Variants in SYDE2 observed in about 807,000 individuals in gnomAD.
SYDE2 encodes the protein rho GTPase-activating protein SYDE2.
SYDE2 carries 76 observed loss-of-function variants against 91.5 expected under a neutral mutation model. That is an observed-to-expected ratio of 0.83 (90% CI 0.69 to 1.01). The LOEUF (loss-of-function observed/expected upper bound fraction) is 1.01, where lower values mean the gene tolerates loss of function less well. SYDE2 is among the 50% of genes least tolerant of loss of function. The pLI is 0.00. For missense variants in SYDE2, 1,364 were observed against 1,367.7 expected, an observed-to-expected ratio of 1.00 and a Z score of 0.04; for synonymous variants, 513 against 506.4, an observed-to-expected ratio of 1.01 and a Z score of -0.18.
In SYDE2 at chr1:85,190,432, A is replaced by C; in HGVS notation, c.1066T>G (p.Leu356Val). The change falls in exon 2 of 7, where the codon TTA (leucine) becomes GTA (valine). Residue 356 changes from leucine (L) to valine (V), a missense_variant. By Grantham distance (32) the Leu-to-Val change is conservative. Transcript: ENST00000341460. ...TNSSLSKNCA[L>V]DFNEENDADD... ...GCATCATTTTCCTCATTAAAATCTAAAGCACAGTTTTTCGATAATGAAGAG... is the reference window on the plus strand; with the variant it reads ...GCATCATTTTCCTCATTAAAATCTACAGCACAGTTTTTCGATAATGAAGAG... The C allele has an allele frequency of 6.2e-7, 1 of 1,613,888 alleles. No individual in the cohort carries two copies. The highest frequency in any genetic ancestry group is 1.3e-5 in the African/African-American group (1 of 75,040).
chr1:85,182,198 C>T lies in SYDE2; in HGVS notation c.2444G>A (p.Gly815Glu). Reference protein sequence around the residue: ...LDINQEPIIFGVDIQKVVEKE... With the variant: ...LDINQEPIIFEVDIQKVVEKE... ...CTCTACAACTTTTTGAATATCAACT[C>T]CAAATATTATTGGTTCTTGGTTTAT... The change falls in exon 3 of 7, where the codon GGA becomes GAA. Residue 815 changes from glycine to glutamate, a missense_variant. Transcript: ENST00000341460. 1 of 1,608,658 alleles carries T rather than the reference C, an allele frequency of 6.2e-7. No individual in the cohort carries two copies. The highest frequency in any genetic ancestry group is 8.5e-7 in the Non-Finnish European group (1 of 1,177,296).
At chr1:85,152,929 A>G (rs1402722138), downstream of SYDE2, 1 of 152,242 alleles carries the variant, frequency 6.6e-6, no homozygotes, top group East Asian at 1.9e-4. Flanking sequence ...GTCAGATAGT[A>G]CCATAAGTAT....
intron 2 of SYDE2, among the ~76,000 whole-genome samples, chr1:85,186,675 C>A (rs1658154310): frequency 6.6e-6 from 1 of 151,700 alleles, no homozygotes; most frequent in African/African-American, 2.4e-5. Context: ...AGATATAGAT[C>A]AATGGAACAG....
At chr1:85,174,222 C>T (rs529987118) in intron 4 of SYDE2, among the ~76,000 whole-genome samples, 66 of 152,238 alleles carry the variant, frequency 4.3e-4, no homozygotes, top group Admixed American at 1.3e-3. Flanking sequence ...GATTTCAACA[C>T]GCCTCTCAGT....
At chr1:85,174,543 T>A (rs151130786) in intron 4 of SYDE2, among the ~76,000 whole-genome samples, 54 of 152,338 alleles carry the variant, frequency 3.5e-4, no homozygotes, top group Non-Finnish European at 6.8e-4. Context: ...ATATAGGTAG[T>A]AAAGATACAG....
In SYDE2 at chr1:85,159,156, T is replaced by C. The variant is rs754167075; in HGVS notation, c.3179A>G (p.His1060Arg). 4 of 780,750 alleles carry C rather than the reference T, an allele frequency of 5.1e-6. No individual in the cohort carries two copies. The highest frequency in any genetic ancestry group is 3.4e-5 in the African/African-American group (2 of 59,152). The allele number at this position is 780,750 out of a possible 1,614,324, so 48.4% of individuals were successfully genotyped here. A position where few individuals can be genotyped will look rare whatever the true frequency, so the allele number is the denominator to read the frequency against. The change falls in exon 7 of 7, where the codon CAT becomes CGT. Residue 1060 changes from histidine to arginine, a missense_variant. By Grantham distance (29) the His-to-Arg change is conservative (BLOSUM62 0). Coordinates refer to ENST00000341460, the MANE Select transcript of SYDE2 (RefSeq NM_032184.2). Reference sequence around the variant, plus strand: ...ATCAGTACCACTCAAATTTAACATATGAGGTCGTTCTTTCTTCTGCCTCAG... The same window carrying C: ...ATCAGTACCACTCAAATTTAACATACGAGGTCGTTCTTTCTTCTGCCTCAG... The part of the protein sequence containing the change: ...NYLRQKKERP[H>R]MLNLSGTDSS...
chr1:85,189,206 C>T (rs189883089), intron 2 of SYDE2, among the ~76,000 whole-genome samples: 1 of 152,234 alleles, frequency 6.6e-6, no homozygotes, highest in East Asian at 1.9e-4. Context: ...TCAAATGGGT[C>T]AACCTAATCT....
intron 4 of SYDE2, among the ~76,000 whole-genome samples, chr1:85,172,018 G>A (rs1376413716): frequency 6.6e-6 from 1 of 152,112 alleles, no homozygotes; most frequent in Non-Finnish European, 1.5e-5. Context: ...AGTAAAAAAG[G>A]TTTTCAAGGT....
In SYDE2 at chr1:85,200,957, C is replaced by T. The variant is rs766453212; in HGVS notation, c.40G>A (p.Gly14Ser). Reference sequence around the variant, plus strand: ...AAGCTGTGATCCGCCAAGCCCCTGCCGCCCCGCCGCGCGCCCGAGTCAGGG... The same window carrying T: ...AAGCTGTGATCCGCCAAGCCCCTGCTGCCCCGCCGCGCGCCCGAGTCAGGG... ...LPPDSGARRG[G>S]RGLADHSFPA... Residue 14 changes from glycine (G) to serine (S), a missense_variant, in exon 1 of 7, where the codon GGC (glycine) becomes AGC (serine). Physicochemically the swap from Gly to Ser is moderately conservative, Grantham distance 56. Coordinates refer to ENST00000341460, the MANE Select transcript of SYDE2 (RefSeq NM_032184.2). The T allele has an allele frequency of 1.5e-6, 2 of 1,293,992 alleles. No homozygotes were observed. The highest frequency in any genetic ancestry group is 1.9e-6 in the Non-Finnish European group (2 of 1,028,916). 80.2% of individuals were successfully genotyped at this position (1,293,992 alleles called of 1,614,324 possible). A position where few individuals can be genotyped will look rare whatever the true frequency, so the allele number is the denominator to read the frequency against.
At chr1:85,160,797 T>C (rs1337555753) in intron 6 of SYDE2, 2 of 985,430 alleles carry the variant, frequency 2.0e-6, no homozygotes, top group East Asian at 1.1e-4. Context: ...CTTTATGTCT[T>C]AAAATTGTCC....
intron 4 of SYDE2, among the ~76,000 whole-genome samples, chr1:85,171,565 C>T (rs1657507203): frequency 6.6e-6 from 1 of 151,974 alleles, no homozygotes; most frequent in Non-Finnish European, 1.5e-5. Context: ...CACACTGAGG[C>T]TTTAAAAAAA....
chr1:85,178,046 T>TA, intron 4 of SYDE2, 100 bp downstream of exon 4: 3 of 1,043,168 alleles, frequency 2.9e-6, no homozygotes, highest in Non-Finnish European at 4.1e-6. Context: ...GACTTCAGAA[T>TA]AAAAACAAAT....
chr1:85,163,343 T>A (rs1264505612), intron 6 of SYDE2, among the ~76,000 whole-genome samples: 1 of 150,800 alleles, frequency 6.6e-6, no homozygotes, highest in Non-Finnish European at 1.5e-5. Context: ...CCTGACCTTG[T>A]GATCCACCTG....
chr1:85,155,105 T>C (rs1266202771), downstream of SYDE2, among the ~76,000 whole-genome samples: 3 of 147,554 alleles, frequency 2.0e-5, no homozygotes, highest in African/African-American at 5.0e-5. Context: ...CCCAAGATGA[T>C]AGCTAAAAAT....
rs369175600 is a variant in SYDE2, at chr1:85,193,525, C to T, written c.746-2773G>A. On this transcript the variant is annotated intron_variant, in intron 1 of 6. Coordinates refer to ENST00000341460, the MANE Select transcript of SYDE2 (RefSeq NM_032184.2). ...CTTTGAACATGTTTCTACTACATTGCAAGGAACTACAGTGAGAAAAATAAA... is the reference window on the plus strand; with the variant it reads ...CTTTGAACATGTTTCTACTACATTGTAAGGAACTACAGTGAGAAAAATAAA... 7.9e-5 allele frequency among the ~76,000 whole-genome samples: 12 copies of T among 152,236 alleles called. 1 individual carries two copies. Among genetic ancestry groups the T allele is most frequent in the Admixed American group, 2.0e-4 (3 of 15,300 alleles).
Position 85,157,658 on chromosome 1 carries a change from GTCTATTATT to G in SYDE2, c.*1083_*1091del, listed in dbSNP as rs1244390817. ...ACTTTCTGTGAATAAAGGAAAGAAA[GTCTATTATT>G]TCTATTCAGATGCTTCTAGAGTATT... On this transcript the variant is annotated 3_prime_UTR_variant, in exon 7 of 7. Coordinates refer to ENST00000341460, the MANE Select transcript of SYDE2 (RefSeq NM_032184.2). 4.6e-5 allele frequency: 7 copies of G among 152,036 alleles called. No individual in the cohort carries two copies. The allele number at this position is 152,036 out of a possible 1,614,324, so 9.4% of individuals were successfully genotyped here.
At chr1:85,187,616 CA>C (rs1482928928) in intron 2 of SYDE2, among the ~76,000 whole-genome samples, 2 of 150,790 alleles carry the variant, frequency 1.3e-5, no homozygotes, top group African/African-American at 2.4e-5. Context: ...GGAACCAACC[CA>C]AATGTCCAAC....
chr1:85,171,381 T>C (rs912288190), intron 4 of SYDE2, among the ~76,000 whole-genome samples: 3 of 151,978 alleles, frequency 2.0e-5, no homozygotes, highest in Admixed American at 2.0e-4. Flanking sequence ...AAGATGTATG[T>C]ATGGTGAGAG....
intron 4 of SYDE2, among the ~76,000 whole-genome samples, chr1:85,172,579 CT>C (rs1280348970): frequency 6.6e-6 from 1 of 152,096 alleles, no homozygotes; most frequent in African/African-American, 2.4e-5. Flanking sequence ...GACAAAATAT[CT>C]GACAATACTA....
Sources: gnomAD v4.1 joint callset for allele counts (sites outside exome capture counted in the v4.1 genomes callset) on GRCh38, gnomAD v4.1.1 for gene constraint, MANE v1.5 for transcripts, NCBI Gene and HGNC (gene_info 2026-07-23, HGNC 2026-07-21) for gene names.